Variants in DACH2 observed in about 807,000 individuals in gnomAD.
The protein encoded by DACH2 is dachshund homolog 2.
DACH2 carries 17 observed loss-of-function variants against 35.8 expected under a neutral mutation model. The ratio of observed to expected loss-of-function variants is 0.48; its 90% confidence interval spans 0.33 to 0.71. The LOEUF (loss-of-function observed/expected upper bound fraction) is 0.71. DACH2 is among the 30% of genes least tolerant of loss of function. The pLI is 0.02. For synonymous variants in DACH2, 195 were observed against 177.3 expected, an observed-to-expected ratio of 1.10 and a Z score of -0.79; for missense variants, 469 against 472.7, an observed-to-expected ratio of 0.99 and a Z score of 0.07.
At chrX:86,372,719 C>T (rs1273097871) in intron 1 of DACH2, among the ~76,000 whole-genome samples, 5 of 110,782 alleles carry the variant, frequency 4.5e-5, no homozygotes, top group Non-Finnish European at 9.5e-5. Context: ...AAGTTTGTTA[C>T]GTGGGTATAT....
At chrX:86,194,610 A>G (rs1347529513) in intron 1 of DACH2, among the ~76,000 whole-genome samples, 1 of 112,557 alleles carries the variant, frequency 8.9e-6, no homozygotes, top group East Asian at 2.8e-4. Flanking sequence ...TGCTCTTGCC[A>G]TGGACCTCTG....
At position 86,714,730 on chromosome X, in the gene DACH2, G is replaced by A. The variant is rs898073195; in HGVS notation, c.1104+10G>A. On this transcript the variant is annotated intron_variant, in intron 6 of 11. Coordinates refer to ENST00000373125, the MANE Select transcript of DACH2 (RefSeq NM_053281.3). ...TACCTCTGTTATAAAGGTAAGAATC[G>A]TGATTTAGAAAAGGACAAAGGTGTC... is the stretch of plus-strand genomic sequence containing the variant. 42 of 1,142,628 alleles carry A rather than the reference G, an allele frequency of 3.7e-5. No homozygotes were observed. Among genetic ancestry groups the A allele is most frequent in the Non-Finnish European group, 4.6e-5 (39 of 852,800 alleles). 94.2% of individuals were successfully genotyped at this position (1,142,628 alleles called of 1,213,427 possible). A position where few individuals can be genotyped will look rare whatever the true frequency, so the allele number is the denominator to read the frequency against.
At chrX:86,748,366 T>A (rs1448907935) in intron 7 of DACH2, among the ~76,000 whole-genome samples, 1 of 112,366 alleles carries the variant, frequency 8.9e-6, no homozygotes, top group Non-Finnish European at 1.9e-5. Flanking sequence ...CTTTGCCAAA[T>A]GCCTTTCTTA....
At chrX:86,773,512 G>T (rs1313911399) in intron 7 of DACH2, among the ~76,000 whole-genome samples, 1 of 111,625 alleles carries the variant, frequency 9.0e-6, no homozygotes, top group African/African-American at 3.2e-5. Flanking sequence ...GTAAATAATT[G>T]TTCATTTCCT....
At chrX:86,437,761 C>T (rs959831095) in intron 2 of DACH2, among the ~76,000 whole-genome samples, 1 of 110,371 alleles carries the variant, frequency 9.1e-6, no homozygotes, top group African/African-American at 3.3e-5. Flanking sequence ...TATTGCTTTG[C>T]TACACCGGTT....
intron 3 of DACH2, among the ~76,000 whole-genome samples, chrX:86,641,673 TGAAA>T (rs985714833): frequency 7.2e-5 from 8 of 111,495 alleles, no homozygotes; most frequent in Admixed American, 6.7e-4. Context: ...AAGATTGAAA[TGAAA>T]GAAAGAATGT....
At chrX:86,667,569 A>AAAG (rs1362041946) in intron 4 of DACH2, among the ~76,000 whole-genome samples, 7 of 97,465 alleles carry the variant, frequency 7.2e-5, no homozygotes, top group Non-Finnish European at 1.2e-4. Flanking sequence ...AGAAAGAAAG[A>AAAG]AAGAAAGAAA....
intron 2 of DACH2, among the ~76,000 whole-genome samples, chrX:86,433,191 C>T: frequency 9.0e-6 from 1 of 111,387 alleles, no homozygotes; most frequent in Non-Finnish European, 1.9e-5. Context: ...TAAAATGCTA[C>T]AAAGATGATA....
chrX:86,670,034 T>C (rs1251934740), intron 4 of DACH2, among the ~76,000 whole-genome samples: 1 of 111,384 alleles, frequency 9.0e-6, no homozygotes, highest in East Asian at 2.8e-4. Context: ...TAAACGCTAA[T>C]AAAAATAACC....
At chrX:86,238,584 C>T (rs1185839080) in intron 1 of DACH2, among the ~76,000 whole-genome samples, 1 of 111,384 alleles carries the variant, frequency 9.0e-6, no homozygotes, top group Admixed American at 9.6e-5. Context: ...ACTGCTTCAA[C>T]AGTACTGCAT....
intron 6 of DACH2, among the ~76,000 whole-genome samples, chrX:86,728,948 G>A (rs746703917): frequency 9.8e-4 from 110 of 112,813 alleles, no homozygotes; most frequent in Non-Finnish European, 1.9e-3. Flanking sequence ...GGAAAATAAC[G>A]GGGTTGGAGC....
chrX:86,453,236 T>G (rs1390128696), intron 2 of DACH2, among the ~76,000 whole-genome samples: 1 of 112,111 alleles, frequency 8.9e-6, no homozygotes, highest in Non-Finnish European at 1.9e-5. Context: ...CTTTAGATTA[T>G]GTAATCATAT....
At chrX:86,359,011 C>T (rs997399467) in intron 1 of DACH2, among the ~76,000 whole-genome samples, 1 of 108,859 alleles carries the variant, frequency 9.2e-6, no homozygotes, top group Non-Finnish European at 1.9e-5. Flanking sequence ...GAATGTGATA[C>T]GTTGGTAGAT....
At chrX:86,327,578 C>G (rs1383511041) in intron 1 of DACH2, among the ~76,000 whole-genome samples, 1 of 108,100 alleles carries the variant, frequency 9.3e-6, no homozygotes, top group African/African-American at 3.5e-5. Flanking sequence ...ATCATGAGTA[C>G]AAGAAAAAAG....
intron 5 of DACH2, among the ~76,000 whole-genome samples, chrX:86,700,350 T>G (rs753900182): frequency 2.7e-5 from 3 of 111,245 alleles, no homozygotes; most frequent in South Asian, 3.7e-4. Flanking sequence ...ATACTGTCAG[T>G]ATAATGTTGA....
chrX:86,615,756 T>G (rs777169289), intron 3 of DACH2, among the ~76,000 whole-genome samples: 8 of 111,180 alleles, frequency 7.2e-5, no homozygotes, highest in Non-Finnish European at 1.5e-4. Flanking sequence ...GCCATTTAAC[T>G]GCCTACTGAT....
rs1569292909 is a variant in DACH2 at position 86,180,175 on chromosome X, C to CATATATATATATATATATATAT, written c.488+31067_488+31068insATATATATATATATATATATAT. Among the ~76,000 whole-genome samples, 26 of 15,586 alleles carry CATATATATATATATATATATAT rather than the reference C, an allele frequency of 1.7e-3. 1 individual carries two copies. The highest frequency in any genetic ancestry group is 5.3e-3 in the African/African-American group (22 of 4,165). The allele number at this position is 15,586 out of a possible 115,157, so 13.5% of individuals were successfully genotyped here. A position where few individuals can be genotyped will look rare whatever the true frequency, so the allele number is the denominator to read the frequency against. Reference sequence around the variant, plus strand: ...ATGTCCCCTAGCAACCATGCTAAACCGTATATATATATATATATATATATA... The same window carrying CATATATATATATATATATATAT: ...ATGTCCCCTAGCAACCATGCTAAACCATATATATATATATATATATATGTATATATATATATATATATATATA... On this transcript the variant is annotated intron_variant, in intron 1 of 11. Transcript: ENST00000373125.
chrX:86,308,274 C>G (rs1273031840), intron 1 of DACH2, among the ~76,000 whole-genome samples: 1 of 112,681 alleles, frequency 8.9e-6, no homozygotes. Flanking sequence ...CACAATTACT[C>G]AGCTACAAAA....
At chrX:86,772,022 G>T (rs910415115) in intron 7 of DACH2, among the ~76,000 whole-genome samples, 1 of 111,627 alleles carries the variant, frequency 9.0e-6, no homozygotes, top group Non-Finnish European at 1.9e-5. Flanking sequence ...AATCTAGAGT[G>T]AGACAGAACT....
Sources: gnomAD v4.1 joint callset for allele counts (sites outside exome capture counted in the v4.1 genomes callset) on GRCh38, gnomAD v4.1.1 for gene constraint, MANE v1.5 for transcripts, NCBI Gene and HGNC (gene_info 2026-07-23, HGNC 2026-07-21) for gene names.